SPATA16: variants seen among roughly 807,000 people sequenced by gnomAD.
The protein encoded by SPATA16 is spermatogenesis-associated protein 16.
A neutral mutation model predicts 63.3 loss-of-function variants in SPATA16; 36 were observed. The observed-to-expected ratio is 0.57, with a 90% CI of 0.44 to 0.75. SPATA16 has a LOEUF of 0.75. Ranked by LOEUF, SPATA16 falls within the 30% of genes least tolerant of loss-of-function variation. The pLI, the probability that SPATA16 is intolerant of heterozygous loss-of-function variation, is 0.00. For synonymous variants in SPATA16, 203 were observed against 216.7 expected, an observed-to-expected ratio of 0.94 and a Z score of 0.56; for missense variants, 646 against 679.3, an observed-to-expected ratio of 0.95 and a Z score of 0.54.
chr3:173,043,465 T>C (rs114743598), intron 3 of SPATA16, among the ~76,000 whole-genome samples: 1,655 of 152,066 alleles, frequency 0.011, 25 homozygotes, highest in African/African-American at 0.036. Context: ...TCAAATATTT[T>C]ACATTGGCAT....
intron 6 of SPATA16, among the ~76,000 whole-genome samples, chr3:172,954,207 G>A (rs889671917): frequency 3.3e-5 from 5 of 152,188 alleles, no homozygotes; most frequent in Admixed American, 2.6e-4. Context: ...TGGCTGGGGA[G>A]GCCTCACAAT....
intron 10 of SPATA16, among the ~76,000 whole-genome samples, chr3:172,896,843 C>G (rs1190389926): frequency 1.3e-5 from 2 of 151,072 alleles, no homozygotes; most frequent in African/African-American, 2.4e-5. Flanking sequence ...TGTATATAGT[C>G]TTTTGTTGGA....
chr3:172,915,738 G>A (rs1732468664), intron 9 of SPATA16, among the ~76,000 whole-genome samples: 1 of 152,114 alleles, frequency 6.6e-6, no homozygotes, highest in African/African-American at 2.4e-5. Context: ...TGGCTAAAGT[G>A]TCTGGTTTTC....
intron 2 of SPATA16, among the ~76,000 whole-genome samples, chr3:173,099,167 T>A (rs1211006833): frequency 6.6e-6 from 1 of 151,922 alleles, no homozygotes; most frequent in Non-Finnish European, 1.5e-5. Context: ...ATTCACCTCA[T>A]CACACAAGCA....
intron 2 of SPATA16, among the ~76,000 whole-genome samples, chr3:173,052,306 A>G (rs937817722): frequency 3.9e-5 from 6 of 152,282 alleles, no homozygotes; most frequent in Non-Finnish European, 8.8e-5. Context: ...AAAATGATCT[A>G]TCTTAACACA....
intron 2 of SPATA16, among the ~76,000 whole-genome samples, chr3:173,105,277 G>A (rs1250594785): frequency 6.6e-6 from 1 of 152,214 alleles, no homozygotes; most frequent in Non-Finnish European, 1.5e-5. Context: ...CCCTGGGCTT[G>A]TTAAACTAGA....
chr3:172,936,835 G>A (rs1326235899), intron 6 of SPATA16, among the ~76,000 whole-genome samples: 1 of 152,120 alleles, frequency 6.6e-6, no homozygotes, highest in Admixed American at 6.5e-5. Context: ...AGCCTCCCAG[G>A]TAGCTGGGAC....
chr3:173,008,373 C>G (rs1171045062), intron 4 of SPATA16, among the ~76,000 whole-genome samples: 1 of 152,168 alleles, frequency 6.6e-6, no homozygotes, highest in Admixed American at 6.6e-5. Flanking sequence ...CCATTTCTCT[C>G]TGTTCTTCAG....
chr3:173,030,177 G>A (rs903735755), intron 3 of SPATA16, among the ~76,000 whole-genome samples: 4 of 151,548 alleles, frequency 2.6e-5, no homozygotes, highest in African/African-American at 9.7e-5. Context: ...TACTTATGAA[G>A]TTAAATGAAA....
chr3:173,078,141 T>C (rs1736847781), intron 2 of SPATA16, among the ~76,000 whole-genome samples: 1 of 151,908 alleles, frequency 6.6e-6, no homozygotes. Context: ...ATTTTATAGA[T>C]AAAAAAAATT....
intron 3 of SPATA16, among the ~76,000 whole-genome samples, chr3:173,047,119 T>C (rs1735975079): frequency 6.6e-6 from 1 of 151,934 alleles, no homozygotes; most frequent in African/African-American, 2.4e-5. Context: ...CTACTGAAGC[T>C]GATCTTTGCA....
intron 6 of SPATA16, among the ~76,000 whole-genome samples, chr3:172,941,727 G>A (rs58905142): frequency 0.059 from 9,027 of 152,126 alleles, 348 homozygotes; most frequent in Non-Finnish European, 0.077. Flanking sequence ...ACTGAAATGC[G>A]AGAAAAAATT....
chr3:172,909,541 A>T (rs922885595), intron 10 of SPATA16, among the ~76,000 whole-genome samples: 1 of 152,164 alleles, frequency 6.6e-6, no homozygotes, highest in African/African-American at 2.4e-5. Context: ...TCACATAGAG[A>T]GGCCACGGTT....
chr3:173,051,082 G>A (rs971795828), intron 2 of SPATA16, among the ~76,000 whole-genome samples: 2 of 152,078 alleles, frequency 1.3e-5, no homozygotes, highest in South Asian at 2.1e-4. Flanking sequence ...TCCACAAAAG[G>A]AAGATTTTTA....
At chr3:173,033,694 T>G (rs1487099167) in intron 3 of SPATA16, among the ~76,000 whole-genome samples, 2 of 151,810 alleles carry the variant, frequency 1.3e-5, no homozygotes, top group East Asian at 3.9e-4. Context: ...TTGGGTGAGG[T>G]TTATTTTATT....
At chr3:172,943,381 C>T (rs1577099314) in intron 6 of SPATA16, among the ~76,000 whole-genome samples, 1 of 152,114 alleles carries the variant, frequency 6.6e-6, no homozygotes, top group Non-Finnish European at 1.5e-5. Context: ...TTTATTCAAC[C>T]TTGTGTTGCA....
chr3:173,100,660 GCACACACACACACACACACACA>G lies in SPATA16; in HGVS notation c.612+16438_612+16459del, dbSNP rs3980195. Among the ~76,000 whole-genome samples the G allele has an allele frequency of 6.0e-5, 8 of 134,170 alleles. No individual in the cohort carries two copies. The East Asian group carries it at 6.5e-4, about 11-fold the overall frequency. The allele number at this position is 134,170 out of a possible 152,430, so 88.0% of individuals were successfully genotyped here. A position where few individuals can be genotyped will look rare whatever the true frequency, so the allele number is the denominator to read the frequency against. ...ATTAAAAGCACAGATCACATAAACA[GCACACACACACACACACACACA>G]CACACACACACACACACACACACAC... On this transcript the variant is annotated intron_variant, in intron 2 of 10. Coordinates refer to ENST00000351008, the MANE Select transcript of SPATA16 (RefSeq NM_031955.6).
At chr3:173,105,654 CA>C (rs1322720758) in intron 2 of SPATA16, among the ~76,000 whole-genome samples, 3 of 152,122 alleles carry the variant, frequency 2.0e-5, no homozygotes, top group Non-Finnish European at 2.9e-5. Flanking sequence ...GGCATGTTTC[CA>C]GCTAACAAAT....
intron 6 of SPATA16, among the ~76,000 whole-genome samples, chr3:172,926,449 AATAACTTC>A (rs1400929843): frequency 1.3e-5 from 2 of 152,164 alleles, no homozygotes; most frequent in Non-Finnish European, 2.9e-5. Flanking sequence ...AATTCCACAT[AATAACTTC>A]ACAAGGTTGG....
Sources: gnomAD v4.1 joint callset for allele counts (sites outside exome capture counted in the v4.1 genomes callset) on GRCh38, gnomAD v4.1.1 for gene constraint, MANE v1.5 for transcripts, NCBI Gene and HGNC (gene_info 2026-07-23, HGNC 2026-07-21) for gene names.